UNC80: variants seen among roughly 807,000 people sequenced by gnomAD.
UNC80 encodes the protein unc-80 subunit of NALCN channel complex, also known as protein unc-80 homolog.
In UNC80, 164 loss-of-function variants were observed where a neutral mutation model predicts 384.6. That is an observed-to-expected ratio of 0.43 (90% CI 0.38 to 0.49). The LOEUF (loss-of-function observed/expected upper bound fraction) is 0.49. UNC80 is among the 20% of genes least tolerant of loss of function. UNC80 has a pLI of 0.00. For synonymous variants in UNC80, 1,486 were observed against 1,527.8 expected (o/e 0.97, Z 0.64); for missense variants, 3,330 against 4,143.0 (o/e 0.80, Z 5.39).
At chr2:209,959,181 T>C in intron 50 of UNC80, 27 bp downstream of exon 50, 1 of 1,551,452 alleles carries the variant, frequency 6.4e-7, no homozygotes, top group Non-Finnish European at 8.7e-7. Flanking sequence ...TCTAATTTCA[T>C]ACCAGTTCTG....
chr2:209,936,758 T>G, intron 40 of UNC80, 86 bp from the exon 41 acceptor site: 1 of 902,054 alleles, frequency 1.1e-6, no homozygotes, highest in Non-Finnish European at 1.7e-6. Flanking sequence ...ACCTTGTTTT[T>G]TCAAAATTTG....
chr2:209,945,090 C>A lies in UNC80; in HGVS notation c.7090C>A (p.Gln2364Lys), dbSNP rs1280770275. The A allele has an allele frequency of 6.4e-7, 1 of 1,551,590 alleles. No homozygotes were observed. Among genetic ancestry groups the A allele is most frequent in the African/African-American group, 1.4e-5 (1 of 73,014 alleles). The change falls in exon 46 of 65, where the codon CAG (glutamine) becomes AAG (lysine). Residue 2364 changes from glutamine (Q) to lysine (K), a missense_variant. This residue lies in a region of UNC80 where 1,049 missense variants were observed against 1,488.6 expected (regional missense o/e 0.70). Coordinates refer to ENST00000673920, the MANE Select transcript of UNC80 (RefSeq NM_001371986.1). The stretch of plus-strand genomic sequence containing the variant: ...TGGGCCCAGCAAAGGTGTGTCAGCT[C>A]AGTGCCTGTTTGACTTGCTGCAGTC... ...NNGPSKGVSA[Q>K]CLFDLLQSLE... is the part of the protein sequence containing the mutation.
At chr2:209,952,954 CA>C (rs2092253724) in intron 47 of UNC80, among the ~76,000 whole-genome samples, 1 of 151,976 alleles carries the variant, frequency 6.6e-6, no homozygotes, top group Non-Finnish European at 1.5e-5. Context: ...ATTATATTAC[CA>C]AAAACCAGTA....
intron 28 of UNC80, among the ~76,000 whole-genome samples, chr2:209,901,375 G>A (rs766462182): frequency 5.3e-5 from 8 of 152,024 alleles, no homozygotes; most frequent in South Asian, 2.1e-4. Context: ...AATAAAGCCC[G>A]GATGACAGCC....
At chr2:209,987,604 C>A (rs1030395418) in intron 61 of UNC80, among the ~76,000 whole-genome samples, 2 of 152,064 alleles carry the variant, frequency 1.3e-5, no homozygotes, top group African/African-American at 4.8e-5. Context: ...GATGTTTACA[C>A]CAAAGAATTA....
intron 42 of UNC80, 52 bp downstream of exon 42, chr2:209,937,682 G>T: frequency 7.3e-7 from 1 of 1,377,188 alleles, no homozygotes; most frequent in Admixed American, 2.0e-5. Flanking sequence ...TGTTGGAGTA[G>T]ATATCTGTTC....
intron 28 of UNC80, among the ~76,000 whole-genome samples, chr2:209,897,980 T>G (rs2086969218): frequency 6.6e-6 from 1 of 152,174 alleles, no homozygotes; most frequent in African/African-American, 2.4e-5. Flanking sequence ...ATTTTTTCAT[T>G]TAATATCAAT....
rs748698951 is a variant in UNC80, at chr2:209,866,818, G to A, written c.3628-5940G>A. On this transcript the variant is annotated intron_variant, in intron 22 of 64. Transcript: ENST00000673920. ...TCTTTAAATGTGTTTGATACACTAC[G>A]ATTCCAATCGCTGTAGTCTTTGTGA... Among the ~76,000 whole-genome samples, 5 of 151,940 alleles carry A rather than the reference G, an allele frequency of 3.3e-5. No homozygotes were observed. In the East Asian group the frequency reaches 5.8e-4, roughly 18 times the overall value.
chr2:209,800,202 T>G (rs555027427), intron 7 of UNC80, among the ~76,000 whole-genome samples: 1 of 152,288 alleles, frequency 6.6e-6, no homozygotes, highest in East Asian at 1.9e-4. Flanking sequence ...CTTTTTTTGG[T>G]TGGTAGGCTA....
rs2080209936 is a variant in UNC80, at chr2:209,822,506, GAGA to G, written c.2331+1828_2331+1830del. On this transcript the variant is annotated intron_variant, in intron 13 of 64. Coordinates refer to ENST00000673920, the MANE Select transcript of UNC80 (RefSeq NM_001371986.1). Reference sequence around the variant, plus strand: ...TACATATCAACTCTGTCTGGACAAAGAGATTAGAAGTGGTGTTTTGCCCATTAT... The same window carrying G: ...TACATATCAACTCTGTCTGGACAAAGTTAGAAGTGGTGTTTTGCCCATTAT... Among the ~76,000 whole-genome samples, 4 of 152,198 alleles carry G rather than the reference GAGA, an allele frequency of 2.6e-5. No homozygotes were observed. The South Asian group carries it at 8.3e-4, about 32-fold the overall frequency.
chr2:209,934,091 T>C (rs1251832699), intron 39 of UNC80, 86 bp downstream of exon 39: 1 of 1,328,244 alleles, frequency 7.5e-7, no homozygotes, highest in Admixed American at 2.8e-5. Flanking sequence ...CTTTCATTCA[T>C]GAGAAAATTT....
chr2:209,980,192 C>T (rs2723219), intron 59 of UNC80, among the ~76,000 whole-genome samples: 145,746 of 152,292 alleles, frequency 0.96, 70,082 homozygotes, highest in Middle Eastern at 1. Flanking sequence ...TAAATATCCA[C>T]TAAGTATGGG....
At chr2:209,924,265 T>C (rs1309480944) in intron 35 of UNC80, among the ~76,000 whole-genome samples, 1 of 152,184 alleles carries the variant, frequency 6.6e-6, no homozygotes, top group Non-Finnish European at 1.5e-5. Flanking sequence ...CTCATCAGGA[T>C]TTTTTATTAT....
intron 12 of UNC80, 32 bp from the exon 13 acceptor site, chr2:209,820,279 T>C (rs974667406): frequency 6.7e-7 from 1 of 1,491,614 alleles, no homozygotes; most frequent in Non-Finnish European, 8.9e-7. Context: ...GCAGGTAACT[T>C]AATCATGCTG....
intron 47 of UNC80, chr2:209,951,357 G>T (rs1033708463): frequency 6.6e-6 from 1 of 151,462 alleles, no homozygotes; most frequent in Non-Finnish European, 1.5e-5. Context: ...GAGTGCAGTG[G>T]CACCATCTCA....
chr2:209,837,921 G>A (rs542918363), intron 18 of UNC80, among the ~76,000 whole-genome samples: 4 of 151,892 alleles, frequency 2.6e-5, no homozygotes, highest in Non-Finnish European at 2.9e-5. Flanking sequence ...ACAGGCGCCC[G>A]CCACCGCACC....
At chr2:209,880,488 T>A (rs1559253568) in intron 24 of UNC80, among the ~76,000 whole-genome samples, 1 of 152,330 alleles carries the variant, frequency 6.6e-6, no homozygotes, top group South Asian at 2.1e-4. Flanking sequence ...ACATCCCTCA[T>A]AAAATGAACT....
intron 29 of UNC80, 110 bp downstream of exon 29, chr2:209,905,075 C>A: frequency 1.8e-6 from 2 of 1,098,136 alleles, no homozygotes; most frequent in South Asian, 1.4e-5. Context: ...ACAATCAGGT[C>A]TGTGTGCATC....
In UNC80 at chr2:209,817,853, A is replaced by G. The variant is rs1473713898; in HGVS notation, c.1594A>G (p.Met532Val). The part of the protein sequence containing the change: ...RRGSSDAATE[M>V]ESLSARHSHS... ...AGGCAGTTCAGATGCAGCCACTGAG[A>G]TGGAGAGTCTGAGCGCCAGGCATTC... Residue 532 changes from methionine to valine, a missense_variant, in exon 11 of 65, where the codon ATG becomes GTG. Around this residue, in one of 8 missense-constraint regions of UNC80, gnomAD observed 937 missense variants for 1,026.8 expected, o/e 0.91. Coordinates refer to ENST00000673920, the MANE Select transcript of UNC80 (RefSeq NM_001371986.1). 1.9e-6 allele frequency: 3 copies of G among 1,551,644 alleles called. No homozygotes were observed. The highest frequency in any genetic ancestry group is 2.7e-5 in the African/African-American group (2 of 73,132).
Sources: gnomAD v4.1 joint callset for allele counts (sites outside exome capture counted in the v4.1 genomes callset) on GRCh38, gnomAD v4.1.1 for gene constraint, gnomAD v4.1.1 regional missense constraint, MANE v1.5 for transcripts, NCBI Gene and HGNC (gene_info 2026-07-23, HGNC 2026-07-21) for gene names.